The following ARB2A variants were observed in gnomAD, a reference collection of about 807,000 sequenced individuals.
ARB2A encodes the protein cotranscriptional regulator ARB2A.
At chr5:93,859,880 T>C in the ARB2A span, among the ~76,000 whole-genome samples, 5 of 152,334 alleles carry the variant, frequency 3.3e-5, no homozygotes, top group East Asian at 7.7e-4. Flanking sequence ...ATCATACAAC[T>C]ACTTTGGGAA....
chr5:93,970,149 C>T, the ARB2A span, among the ~76,000 whole-genome samples: 9 of 151,974 alleles, frequency 5.9e-5, no homozygotes, highest in East Asian at 3.9e-4. Flanking sequence ...TTATTAACTA[C>T]ATAAGATAAA....
the ARB2A span, among the ~76,000 whole-genome samples, chr5:93,763,950 T>G: frequency 6.6e-6 from 1 of 152,118 alleles, no homozygotes; most frequent in East Asian, 1.9e-4. Context: ...GAATGACTAC[T>G]GGGTACATAA....
the ARB2A span, among the ~76,000 whole-genome samples, chr5:93,882,621 G>C: frequency 6.6e-6 from 1 of 151,292 alleles, no homozygotes; most frequent in Non-Finnish European, 1.5e-5. Context: ...AGAAAATATA[G>C]AGAGGGATAA....
At chr5:93,672,094 T>C in the ARB2A span, among the ~76,000 whole-genome samples, 1 of 152,186 alleles carries the variant, frequency 6.6e-6, no homozygotes, top group South Asian at 2.1e-4. Context: ...AAGAATTTTA[T>C]TGTATTGTTA....
chr5:93,991,067 G>A, the ARB2A span, among the ~76,000 whole-genome samples: 2 of 152,114 alleles, frequency 1.3e-5, no homozygotes, highest in Non-Finnish European at 2.9e-5. Context: ...ATATGCATAA[G>A]GTGAAACTGC....
chr5:94,040,496 C>A, the ARB2A span, among the ~76,000 whole-genome samples: 1 of 135,438 alleles, frequency 7.4e-6, no homozygotes, highest in Non-Finnish European at 1.6e-5. Context: ...AATGCTATCC[C>A]TCCCCCCTCC....
the ARB2A span, among the ~76,000 whole-genome samples, chr5:93,851,323 C>T: frequency 6.6e-6 from 1 of 152,238 alleles, no homozygotes; most frequent in East Asian, 1.9e-4. Flanking sequence ...AGGAAAAAAC[C>T]TGGCCCAAGA....
the ARB2A span, among the ~76,000 whole-genome samples, chr5:93,702,979 T>C: frequency 6.6e-6 from 1 of 152,158 alleles, no homozygotes; most frequent in Admixed American, 6.6e-5. Context: ...AGATCGATAG[T>C]TTAAATAAAA....
chr5:93,836,329 A>T, the ARB2A span, among the ~76,000 whole-genome samples: 1 of 152,342 alleles, frequency 6.6e-6, no homozygotes, highest in Middle Eastern at 3.4e-3. Flanking sequence ...GCCAGGCCTA[A>T]AGAAAATTCT....
At chr5:93,971,724 G>A in the ARB2A span, among the ~76,000 whole-genome samples, 1 of 152,062 alleles carries the variant, frequency 6.6e-6, no homozygotes, top group Non-Finnish European at 1.5e-5. Flanking sequence ...TTGAGAGGCA[G>A]AGGCTTCAAG....
chr5:94,092,189 A>G, the ARB2A span, among the ~76,000 whole-genome samples: 1 of 150,196 alleles, frequency 6.7e-6, no homozygotes, highest in Non-Finnish European at 1.5e-5. Context: ...AAAAAAAAAT[A>G]CAAAAAATTA....
the ARB2A span, among the ~76,000 whole-genome samples, chr5:93,632,018 T>C: frequency 2.0e-5 from 3 of 152,232 alleles, no homozygotes; most frequent in South Asian, 2.1e-4. Context: ...ATTCCTGTGA[T>C]TGACTAATTC....
At chr5:93,630,919 G>A in the ARB2A span, among the ~76,000 whole-genome samples, 2 of 151,922 alleles carry the variant, frequency 1.3e-5, no homozygotes, top group South Asian at 2.1e-4. Flanking sequence ...AGACAGGGTC[G>A]TCTTGCTTTG....
chr5:93,727,065 G>A, the ARB2A span, among the ~76,000 whole-genome samples: 1 of 151,922 alleles, frequency 6.6e-6, no homozygotes, highest in Non-Finnish European at 1.5e-5. Flanking sequence ...GTTTTTCCTG[G>A]CATAATTAAA....
At chr5:93,706,359 C>G in the ARB2A span, among the ~76,000 whole-genome samples, 8 of 152,276 alleles carry the variant, frequency 5.3e-5, 1 homozygote, top group South Asian at 6.2e-4. Flanking sequence ...CACAGAATCA[C>G]TGAAGCAAAT....
At chr5:94,099,907 T>C in the ARB2A span, among the ~76,000 whole-genome samples, 1 of 151,940 alleles carries the variant, frequency 6.6e-6, no homozygotes, top group Non-Finnish European at 1.5e-5. Context: ...TCTCACCACA[T>C]CTATTCAACA....
At chr5:94,062,570 T>G in the ARB2A span, among the ~76,000 whole-genome samples, 1 of 152,078 alleles carries the variant, frequency 6.6e-6, no homozygotes, top group Non-Finnish European at 1.5e-5. Flanking sequence ...ATCCTAGCCA[T>G]GCAAGAGCTC....
the ARB2A span, among the ~76,000 whole-genome samples, chr5:93,824,896 C>T: frequency 6.6e-6 from 1 of 152,204 alleles, no homozygotes; most frequent in South Asian, 2.1e-4. Context: ...TTCTTTGGCC[C>T]TCTAGAAAGT....
the ARB2A span, among the ~76,000 whole-genome samples, chr5:93,767,266 C>G: frequency 1.3e-5 from 2 of 152,026 alleles, no homozygotes; most frequent in Admixed American, 6.6e-5. Context: ...AAATGGCCAA[C>G]AAACATATGA....
Sources: gnomAD v4.1 joint callset for allele counts (sites outside exome capture counted in the v4.1 genomes callset) on GRCh38, gnomAD v4.1.1 for gene constraint, MANE v1.5 for transcripts, NCBI Gene and HGNC (gene_info 2026-07-23, HGNC 2026-07-21) for gene names.